Variants in LRP1B observed in about 807,000 individuals in gnomAD.
LRP1B encodes LDL receptor related protein 1B.
In LRP1B, 217 loss-of-function variants were observed where a neutral mutation model predicts 556.6. The observed-to-expected ratio is 0.39, with a 90% CI of 0.35 to 0.44. The LOEUF is 0.44. LRP1B is among the 20% of genes least tolerant of loss of function. The pLI, the probability that LRP1B is intolerant of heterozygous loss-of-function variation, is 1.00. For missense variants in LRP1B, 5,053 were observed against 5,620.8 expected (o/e 0.90, Z 3.23); for synonymous variants, 2,047 against 1,865.8 (o/e 1.10, Z -2.50).
chr2:140,609,251 A>G (rs558833126), intron 41 of LRP1B, among the ~76,000 whole-genome samples: 1 of 152,152 alleles, frequency 6.6e-6, no homozygotes, highest in Non-Finnish European at 1.5e-5. Flanking sequence ...ATGACTTGGG[A>G]TCCATCCTTT....
chr2:141,158,756 T>C (rs774648901), intron 7 of LRP1B, among the ~76,000 whole-genome samples: 1 of 152,172 alleles, frequency 6.6e-6, no homozygotes, highest in African/African-American at 2.4e-5. Flanking sequence ...ATTCCTCTGA[T>C]TTCCAGTCTC....
intron 25 of LRP1B, among the ~76,000 whole-genome samples, chr2:140,868,538 A>C (rs919149169): frequency 2.0e-5 from 3 of 152,162 alleles, no homozygotes; most frequent in Non-Finnish European, 4.4e-5. Flanking sequence ...GGTGATCAGA[A>C]AAAAGCACTT....
chr2:140,680,660 C>T (rs1369456808), intron 41 of LRP1B, among the ~76,000 whole-genome samples: 1 of 152,130 alleles, frequency 6.6e-6, no homozygotes, highest in African/African-American at 2.4e-5. Flanking sequence ...GAGTGATGCA[C>T]TTGGATTCAA....
intron 2 of LRP1B, among the ~76,000 whole-genome samples, chr2:141,566,398 A>G (rs1686332883): frequency 6.6e-6 from 1 of 152,142 alleles, no homozygotes; most frequent in Non-Finnish European, 1.5e-5. Flanking sequence ...ATGCACAAAA[A>G]CATAATTATG....
chr2:140,513,482 T>G (rs576032815), intron 51 of LRP1B, among the ~76,000 whole-genome samples: 2 of 118,524 alleles, frequency 1.7e-5, no homozygotes, highest in Admixed American at 9.3e-5. Context: ...GACAGTCATC[T>G]AATTGATTAC....
At chr2:140,427,362 C>T (rs1302522260) in intron 66 of LRP1B, among the ~76,000 whole-genome samples, 1 of 152,150 alleles carries the variant, frequency 6.6e-6, no homozygotes, top group Non-Finnish European at 1.5e-5. Flanking sequence ...CTTTACCCTT[C>T]TCTTTAAACT....
At chr2:141,357,434 A>C (rs1056095668) in intron 3 of LRP1B, among the ~76,000 whole-genome samples, 1 of 152,194 alleles carries the variant, frequency 6.6e-6, no homozygotes, top group Non-Finnish European at 1.5e-5. Context: ...AACTGTAACC[A>C]CTATTTTGTA....
At chr2:141,955,294 T>C (rs1358725258) in intron 1 of LRP1B, among the ~76,000 whole-genome samples, 1 of 152,134 alleles carries the variant, frequency 6.6e-6, no homozygotes, top group East Asian at 1.9e-4. Context: ...ACTAAGTTCA[T>C]GTATTGTCAA....
At chr2:141,092,876 G>A (rs940989945) in intron 7 of LRP1B, among the ~76,000 whole-genome samples, 1 of 152,188 alleles carries the variant, frequency 6.6e-6, no homozygotes, top group Non-Finnish European at 1.5e-5. Flanking sequence ...AAGAGTAGTT[G>A]CATTGGAGAA....
chr2:141,924,464 T>G (rs1267238276), intron 1 of LRP1B, among the ~76,000 whole-genome samples: 1 of 152,084 alleles, frequency 6.6e-6, no homozygotes, highest in East Asian at 1.9e-4. Flanking sequence ...GAGCTAAGGA[T>G]ACAGAAAGCT....
intron 35 of LRP1B, among the ~76,000 whole-genome samples, chr2:140,719,383 AAAG>A (rs1687322571): frequency 6.7e-6 from 1 of 148,382 alleles, no homozygotes; most frequent in African/African-American, 2.5e-5. Flanking sequence ...GCAGGAATTC[AAAG>A]AAGAAAATCA....
At chr2:140,767,584 A>T (rs1689160906) in intron 35 of LRP1B, among the ~76,000 whole-genome samples, 1 of 151,720 alleles carries the variant, frequency 6.6e-6, no homozygotes. Context: ...AAAGCAAAAG[A>T]TTTCCTAATG....
chr2:141,375,814 T>C (rs1401948203), intron 3 of LRP1B, among the ~76,000 whole-genome samples: 1 of 152,154 alleles, frequency 6.6e-6, no homozygotes, highest in Non-Finnish European at 1.5e-5. Context: ...AGCAGACCAC[T>C]GTGGGGCAGT....
At chr2:141,201,456 A>G (rs1489114381) in intron 6 of LRP1B, among the ~76,000 whole-genome samples, 1 of 152,124 alleles carries the variant, frequency 6.6e-6, no homozygotes, top group African/African-American at 2.4e-5. Context: ...ATCCTCTAGG[A>G]AAGAATTTAC....
chr2:141,208,876 C>CAAAAAAAAAAAAAAAAAAAAAAAAA (rs57659094), intron 6 of LRP1B, among the ~76,000 whole-genome samples: 1 of 65,462 alleles, frequency 1.5e-5, no homozygotes, highest in Non-Finnish European at 2.8e-5. Flanking sequence ...GATTCCGTCT[C>CAAAAAAAAAAAAAAAAAAAAAAAAA]AAAAAAAAAA....
intron 3 of LRP1B, among the ~76,000 whole-genome samples, chr2:141,258,074 A>G (rs1421048054): frequency 6.6e-6 from 1 of 152,228 alleles, no homozygotes; most frequent in Non-Finnish European, 1.5e-5. Flanking sequence ...AGACTGAAGT[A>G]GGAAGACCAC....
intron 6 of LRP1B, among the ~76,000 whole-genome samples, chr2:141,220,878 G>A (rs1312513482): frequency 6.6e-6 from 1 of 151,816 alleles, no homozygotes; most frequent in Non-Finnish European, 1.5e-5. Context: ...AATACTGAGG[G>A]AATTCATTAC....
chr2:140,877,104 A>G (rs1693332919), intron 25 of LRP1B, among the ~76,000 whole-genome samples: 1 of 152,056 alleles, frequency 6.6e-6, no homozygotes, highest in African/African-American at 2.4e-5. Context: ...GGAGTCATCA[A>G]AAACTAAGCT....
chr2:141,260,344 C>A (rs922860757), intron 3 of LRP1B, among the ~76,000 whole-genome samples: 1 of 152,090 alleles, frequency 6.6e-6, no homozygotes, highest in African/African-American at 2.4e-5. Context: ...ATTTGCATAG[C>A]TTTTAGGGGC....
Sources: allele counts gnomAD v4.1 joint callset (sites outside exome capture counted in the v4.1 genomes callset), GRCh38; gene constraint gnomAD v4.1.1; transcripts MANE v1.5; gene names NCBI Gene and HGNC (gene_info 2026-07-23, HGNC 2026-07-21).